The following ARHGAP28 variants were observed in gnomAD, a reference collection of about 807,000 sequenced individuals.
ARHGAP28 encodes Rho GTPase activating protein 28.
ARHGAP28 carries 56 observed loss-of-function variants against 90.7 expected under a neutral mutation model. The observed-to-expected ratio is 0.62, with a 90% CI of 0.50 to 0.77. The LOEUF is 0.77. ARHGAP28 is among the 30% of genes least tolerant of loss of function. ARHGAP28 has a pLI of 0.00. For missense variants in ARHGAP28, 869 were observed against 900.9 expected (o/e 0.96, Z 0.45); for synonymous variants, 308 against 323.3 (o/e 0.95, Z 0.51).
At chr18:6,760,988 C>T (rs2056154961) in intron 1 of ARHGAP28, among the ~76,000 whole-genome samples, 1 of 152,168 alleles carries the variant, frequency 6.6e-6, no homozygotes, top group African/African-American at 2.4e-5. Context: ...ATACTTAGGT[C>T]TCTGTATACA....
Position 6,794,285 on chromosome 18 carries a change from A to G in ARHGAP28, c.123-30477A>G, listed in dbSNP as rs547020461. On this transcript the variant is annotated intron_variant, in intron 1 of 17. Coordinates refer to ENST00000383472, the MANE Select transcript of ARHGAP28 (RefSeq NM_001366230.1). ...TATTCTTTTTTTCTGTCATAATACA[A>G]CAAGTAAATTGTAGTGGCTTTGATT... Among the ~76,000 whole-genome samples the G allele has an allele frequency of 3.3e-5, 5 of 152,324 alleles. No individual in the cohort carries two copies. In the South Asian group the frequency reaches 8.3e-4, roughly 25 times the overall value.
chr18:6,825,927 G>A (rs2056658931), intron 2 of ARHGAP28, among the ~76,000 whole-genome samples: 1 of 152,178 alleles, frequency 6.6e-6, no homozygotes, highest in Non-Finnish European at 1.5e-5. Context: ...ACAAGTGCAT[G>A]TGTCTTTTTA....
At chr18:6,752,843 A>G (rs940116971) in intron 1 of ARHGAP28, among the ~76,000 whole-genome samples, 12 of 152,194 alleles carry the variant, frequency 7.9e-5, no homozygotes, top group Non-Finnish European at 1.5e-4. Flanking sequence ...TTGGGCTTCT[A>G]AGAAATTAAG....
At chr18:6,742,157 TTTTTTC>T (rs2055983684) in intron 1 of ARHGAP28, among the ~76,000 whole-genome samples, 1 of 144,392 alleles carries the variant, frequency 6.9e-6, no homozygotes, top group African/African-American at 2.4e-5. Context: ...TCTTTTTTTC[TTTTTTC>T]TTTTTCTTTT....
Position 6,890,495 on chromosome 18 carries a change from G to A in ARHGAP28, c.1800G>A (p.Gln600=), listed in dbSNP as rs371923268. 6.8e-6 allele frequency: 11 copies of A among 1,613,600 alleles called. No homozygotes were observed. Among genetic ancestry groups the A allele is most frequent in the Non-Finnish European group, 8.5e-6 (10 of 1,179,840 alleles). The stretch of plus-strand genomic sequence containing the variant: ...AAGCCACGATGCTATTGAAGAAGCA[G>A]CTCCCAAGTGTCAGGAAGCTGCTCA... ...MNEATMLLKK[Q]LPSVRKLLRR... is the part of the protein sequence containing the mutation. Residue 600 remains glutamine, a synonymous_variant, in exon 14 of 18, where the codon CAG becomes CAA. Coordinates refer to ENST00000383472, the MANE Select transcript of ARHGAP28 (RefSeq NM_001366230.1).
chr18:6,734,699 G>A (rs537934275), intron 1 of ARHGAP28, among the ~76,000 whole-genome samples: 5 of 152,224 alleles, frequency 3.3e-5, no homozygotes, highest in Non-Finnish European at 5.9e-5. Context: ...TTTACTTCCA[G>A]GTGCTAACTC....
At position 6,824,919 on chromosome 18, in the gene ARHGAP28, G is replaced by A. The variant is rs747348265; in HGVS notation, c.280G>A (p.Gly94Arg). Residue 94 changes from glycine (G) to arginine (R), a missense_variant, in exon 2 of 18, where the codon GGA becomes AGA. Transcript: ENST00000383472. ...AGAAAGTATTAAAGACAGCAGCATG[G>A]GAGGGCAAGAAGAGCCACCGCCAGC... ...EIESIKDSSM[G>R]GQEEPPPAEV... is the part of the protein sequence containing the mutation. The A allele has an allele frequency of 6.5e-6, 10 of 1,535,730 alleles. No individual in the cohort carries two copies. The East Asian group carries it at 9.8e-5, about 15-fold the overall frequency.
At chr18:6,812,009 G>A (rs2056560512) in intron 1 of ARHGAP28, among the ~76,000 whole-genome samples, 1 of 152,080 alleles carries the variant, frequency 6.6e-6, no homozygotes, top group Non-Finnish European at 1.5e-5. Context: ...CAGAATTCAG[G>A]GTCAATGAAT....
intron 2 of ARHGAP28, among the ~76,000 whole-genome samples, chr18:6,826,089 A>T (rs1425225857): frequency 6.9e-6 from 1 of 145,896 alleles, no homozygotes; most frequent in Non-Finnish European, 1.5e-5. Context: ...GTACTTAAGC[A>T]TTCTCTTTTG....
intron 1 of ARHGAP28, among the ~76,000 whole-genome samples, chr18:6,738,830 G>C (rs1454929148): frequency 6.6e-6 from 1 of 152,134 alleles, no homozygotes; most frequent in Non-Finnish European, 1.5e-5. Flanking sequence ...TTCTCTGAAG[G>C]TTTCCTCGAC....
At chr18:6,833,417 A>C (rs1417669735) in intron 2 of ARHGAP28, among the ~76,000 whole-genome samples, 1 of 151,866 alleles carries the variant, frequency 6.6e-6, no homozygotes, top group African/African-American at 2.4e-5. Flanking sequence ...TAATTGAAAA[A>C]CGTGTTTCTC....
intron 1 of ARHGAP28, chr18:6,789,017 G>A (rs2056386953): frequency 6.6e-6 from 1 of 152,194 alleles, no homozygotes; most frequent in Admixed American, 6.5e-5. Flanking sequence ...AAGGATAAAT[G>A]TATTACTTGG....
intron 1 of ARHGAP28, among the ~76,000 whole-genome samples, chr18:6,823,918 T>A (rs2056643086): frequency 6.6e-6 from 1 of 152,134 alleles, no homozygotes; most frequent in Non-Finnish European, 1.5e-5. Flanking sequence ...TATTTTTAAT[T>A]TTTTGAGGAA....
chr18:6,910,320 T>G (rs1216614201), intron 17 of ARHGAP28, among the ~76,000 whole-genome samples: 1 of 152,212 alleles, frequency 6.6e-6, no homozygotes, highest in Non-Finnish European at 1.5e-5. Flanking sequence ...ACGGTAGGGT[T>G]CAGTCCTCGG....
intron 1 of ARHGAP28, among the ~76,000 whole-genome samples, chr18:6,778,159 T>A (rs1196761633): frequency 2.0e-5 from 3 of 152,178 alleles, no homozygotes; most frequent in Non-Finnish European, 4.4e-5. Context: ...AACTCATTCA[T>A]AATCATTTGA....
At position 6,894,896 on chromosome 18, in the gene ARHGAP28, GAAA is replaced by G; in HGVS notation, c.1905+8_1905+10del. On this transcript the variant is annotated splice_donor_region_variant and intron_variant, in intron 15 of 17. Transcript: ENST00000383472. ...TCACCCTCGGCAAGACGAATGGTAA[GAAA>G]AATAATTTCTTTTCCCTTCCATTAA... 6.2e-7 allele frequency: 1 copy of G among 1,613,754 alleles called. No homozygotes were observed. Among genetic ancestry groups the G allele is most frequent in the Non-Finnish European group, 8.5e-7 (1 of 1,179,814 alleles).
In ARHGAP28 at chr18:6,909,877, C is replaced by T. The variant is rs538939224; in HGVS notation, c.2095+853C>T. On this transcript the variant is annotated intron_variant, in intron 17 of 17. Coordinates refer to ENST00000383472, the MANE Select transcript of ARHGAP28 (RefSeq NM_001366230.1). ...CACCAGCACCCTCCACTCTCCCACA[C>T]CATCAGCCTTTCCCTCCCAACTGTA... Among the ~76,000 whole-genome samples the T allele has an allele frequency of 6.4e-4, 97 of 152,234 alleles. 1 individual carries two copies. Among genetic ancestry groups the T allele is most frequent in the Middle Eastern group, 3.4e-3 (1 of 294 alleles).
At chr18:6,870,869 C>G (rs28610127) in intron 7 of ARHGAP28, 137 bp downstream of exon 7, 7 of 858,974 alleles carry the variant, frequency 8.1e-6, no homozygotes, top group Middle Eastern at 4.1e-4. Flanking sequence ...GGCGCGATCT[C>G]GGCTCACTGC....
At chr18:6,839,408 C>G (rs574415521) in intron 3 of ARHGAP28, among the ~76,000 whole-genome samples, 7 of 152,036 alleles carry the variant, frequency 4.6e-5, no homozygotes, top group Admixed American at 1.3e-4. Context: ...ATTCTCCCCC[C>G]TCAGCCTCCC....
Sources: gnomAD v4.1 joint callset for allele counts (sites outside exome capture counted in the v4.1 genomes callset) on GRCh38, gnomAD v4.1.1 for gene constraint, MANE v1.5 for transcripts, NCBI Gene and HGNC (gene_info 2026-07-23, HGNC 2026-07-21) for gene names.